ZNF667: variants seen among roughly 807,000 people sequenced by gnomAD.
ZNF667 encodes myocardial ischemic preconditioning upregulated 1 ortholog.
ZNF667 carries 13 observed loss-of-function variants against 31.8 expected under a neutral mutation model. That is an observed-to-expected ratio of 0.41 (90% CI 0.27 to 0.65). ZNF667 has a LOEUF of 0.65. ZNF667 is among the 30% of genes least tolerant of loss of function. The probability of loss-of-function intolerance (pLI) is 0.32; values close to 1 mark genes in which losing one functional copy is unlikely to be tolerated. For synonymous variants in ZNF667, 228 were observed against 247.1 expected (o/e 0.92, Z 0.73); for missense variants, 642 against 725.6 (o/e 0.88, Z 1.32).
chr19:56,476,198 G>A (rs772228019), intron 1 of ZNF667, among the ~76,000 whole-genome samples: 12 of 152,142 alleles, frequency 7.9e-5, no homozygotes, highest in Non-Finnish European at 1.3e-4. Flanking sequence ...AGACAGCGGG[G>A]CGCCACAGTC....
intron 4 of ZNF667, among the ~76,000 whole-genome samples, chr19:56,461,259 T>G (rs12462739): frequency 6.6e-6 from 1 of 152,064 alleles, no homozygotes; most frequent in Admixed American, 6.5e-5. Flanking sequence ...AGACAGCTCC[T>G]GATTTAATCT....
chr19:56,471,140 T>C (rs1292452977), intron 3 of ZNF667, among the ~76,000 whole-genome samples: 1 of 152,040 alleles, frequency 6.6e-6, no homozygotes, highest in East Asian at 1.9e-4. Flanking sequence ...TCCAGTTGTT[T>C]AGAAGTGTGT....
intron 3 of ZNF667, chr19:56,468,439 A>T (rs1168903293): frequency 6.6e-6 from 1 of 152,228 alleles, no homozygotes; most frequent in African/African-American, 2.4e-5. Context: ...TCTACCTATG[A>T]CCTGAAAGGC....
Position 56,442,637 on chromosome 19 carries a change from TAGG to T in ZNF667, c.355_357del (p.Pro119del). ...TTTTTGTTGCAGCCACTCTTTCGTG[TAGG>T]AGCTTTTTGTTGTGCAGAAACTAGT... On this transcript the variant is annotated inframe_deletion, in exon 7 of 7. Coordinates refer to ENST00000504904, the MANE Select transcript of ZNF667 (RefSeq NM_001321356.2). 1 of 1,613,950 alleles carries T rather than the reference TAGG, an allele frequency of 6.2e-7. No homozygotes were observed. Among genetic ancestry groups the T allele is most frequent in the South Asian group, 1.1e-5 (1 of 91,078 alleles).
At chr19:56,462,973 G>A (rs1313873863) in intron 3 of ZNF667, among the ~76,000 whole-genome samples, 1 of 152,138 alleles carries the variant, frequency 6.6e-6, no homozygotes, top group Non-Finnish European at 1.5e-5. Flanking sequence ...TGGGTGCTAG[G>A]GGAAGAGCAT....
chr19:56,474,452 G>C (rs2043358663), intron 1 of ZNF667: 1 of 152,248 alleles, frequency 6.6e-6, no homozygotes, highest in Admixed American at 6.5e-5. Context: ...AGCTGTCACA[G>C]GAAGAACACA....
intron 6 of ZNF667, among the ~76,000 whole-genome samples, chr19:56,446,690 G>T (rs1040808264): frequency 2.0e-5 from 3 of 152,278 alleles, no homozygotes; most frequent in African/African-American, 7.2e-5. Flanking sequence ...ATTATTATTA[G>T]TAGAAGTTCC....
At chr19:56,471,285 G>A (rs1176066489) in intron 3 of ZNF667, among the ~76,000 whole-genome samples, 5 of 152,086 alleles carry the variant, frequency 3.3e-5, no homozygotes, top group Non-Finnish European at 7.3e-5. Flanking sequence ...CTGCAGAACC[G>A]TGGGCCAATT....
chr19:56,452,914 G>T (rs1324289682), intron 6 of ZNF667, among the ~76,000 whole-genome samples: 6 of 146,500 alleles, frequency 4.1e-5, no homozygotes, highest in Non-Finnish European at 4.5e-5. Context: ...GCAAGACTCT[G>T]TCTCAAAAAA....
intron 3 of ZNF667, among the ~76,000 whole-genome samples, chr19:56,471,422 T>C (rs538297728): frequency 2.0e-5 from 3 of 152,324 alleles, no homozygotes; most frequent in African/African-American, 7.2e-5. Flanking sequence ...TGGGGCTGAA[T>C]GGCTTGGGTG....
chr19:56,466,542 C>T lies in ZNF667; in HGVS notation c.-59-4113G>A, dbSNP rs537697752. Among the ~76,000 whole-genome samples, 4 of 152,130 alleles carry T rather than the reference C, an allele frequency of 2.6e-5. No individual in the cohort carries two copies. The East Asian group carries it at 5.8e-4, about 22-fold the overall frequency. On this transcript the variant is annotated intron_variant, in intron 3 of 6. Transcript: ENST00000504904. ...TCTCTGGTGCTCTTGTTAGAGGGAC[C>T]CCTGGTTACCAGGCCTCTGGTTTAA...
chr19:56,441,328 T>G lies in ZNF667; in HGVS notation c.1667A>C (p.Glu556Ala), dbSNP rs747306351. The G allele has an allele frequency of 5.0e-6, 8 of 1,614,084 alleles. No individual in the cohort carries two copies. The Admixed American group carries it at 1.0e-4, about 20-fold the overall frequency. Residue 556 changes from glutamate to alanine, a missense_variant, in exon 7 of 7, where the codon GAA (glutamate) becomes GCA (alanine). Coordinates refer to ENST00000504904, the MANE Select transcript of ZNF667 (RefSeq NM_001321356.2). This position sits in a 1 kb window ranked among gnomAD's most constrained non-coding sequence, Gnocchi z 4.2. ...AAATGCCTTCCCACATTCATTACAT[T>G]CATAGGGTTTCTCTCCAGTATGACT... is the stretch of plus-strand genomic sequence containing the variant. ...ERSHTGEKPY[E>A]CNECGKAFSS...
intron 3 of ZNF667, among the ~76,000 whole-genome samples, chr19:56,463,575 G>A (rs1255375941): frequency 3.3e-5 from 5 of 151,576 alleles, no homozygotes; most frequent in Non-Finnish European, 5.9e-5. Context: ...TTGCCCAGGC[G>A]GGAATGCAGT....
At chr19:56,470,882 G>A (rs1203969411) in intron 3 of ZNF667, among the ~76,000 whole-genome samples, 1 of 152,166 alleles carries the variant, frequency 6.6e-6, no homozygotes, top group African/African-American at 2.4e-5. Flanking sequence ...CTAGGACAAC[G>A]GTGTGCTGGG....
At chr19:56,471,374 C>A (rs1277812546) in intron 3 of ZNF667, among the ~76,000 whole-genome samples, 1 of 152,234 alleles carries the variant, frequency 6.6e-6, no homozygotes, top group South Asian at 2.1e-4. Flanking sequence ...ACTCCCACCA[C>A]AGCAGGTTGT....
At position 56,442,634 on chromosome 19, in the gene ZNF667, G is replaced by A. The variant is rs757579847; in HGVS notation, c.361C>T (p.Arg121Ter). 4 of 1,613,836 alleles carry A rather than the reference G, an allele frequency of 2.5e-6. No homozygotes were observed. Among genetic ancestry groups the A allele is most frequent in the East Asian group, 2.2e-5 (1 of 44,862 alleles). The change falls in exon 7 of 7, where the codon CGA becomes TGA. Residue 121 changes from arginine to a stop codon, truncating the protein, a stop_gained. Coordinates refer to ENST00000504904, the MANE Select transcript of ZNF667 (RefSeq NM_001321356.2). LOFTEE classifies it low-confidence loss of function (END_TRUNC). ...GAATTTTTGTTGCAGCCACTCTTTC[G>A]TGTAGGAGCTTTTTGTTGTGCAGAA... is the stretch of plus-strand genomic sequence containing the variant. ...LVSAQQKAPT[R>*]KSGCNKNSVL...
At chr19:56,466,391 C>T (rs2043160427) in intron 3 of ZNF667, among the ~76,000 whole-genome samples, 1 of 152,108 alleles carries the variant, frequency 6.6e-6, no homozygotes, top group African/African-American at 2.4e-5. Flanking sequence ...GAGGATCCAG[C>T]GAACAGTCAT....
At chr19:56,450,363 T>G (rs976099010) in intron 6 of ZNF667, among the ~76,000 whole-genome samples, 1 of 152,132 alleles carries the variant, frequency 6.6e-6, no homozygotes, top group Non-Finnish European at 1.5e-5. Context: ...GAATATTATA[T>G]CCAGTGAAAA....
intron 2 of ZNF667, among the ~76,000 whole-genome samples, chr19:56,473,735 G>A (rs1490066574): frequency 2.6e-5 from 4 of 152,082 alleles, no homozygotes; most frequent in African/African-American, 9.7e-5. Flanking sequence ...CTGCGCCAAG[G>A]CTGAAAAACC....
Sources: gnomAD v4.1 joint callset for allele counts (sites outside exome capture counted in the v4.1 genomes callset) on GRCh38, gnomAD v4.1.1 for gene constraint, Gnocchi (gnomAD v3.1) non-coding constraint, MANE v1.5 for transcripts, NCBI Gene and HGNC (gene_info 2026-07-23, HGNC 2026-07-21) for gene names.